DET1: variants seen among roughly 807,000 people sequenced by gnomAD.
The protein encoded by DET1 is DET1 homolog.
A neutral mutation model predicts 43.7 loss-of-function variants in DET1; 22 were observed. The ratio of observed to expected loss-of-function variants is 0.50; its 90% confidence interval spans 0.36 to 0.72. The LOEUF is 0.72. DET1 is among the 30% of genes least tolerant of loss of function. The pLI, the probability that DET1 is intolerant of heterozygous loss-of-function variation, is 0.00. For synonymous variants in DET1, 315 were observed against 266.2 expected (o/e 1.18, Z -1.79); for missense variants, 713 against 713.3 (o/e 1.00, Z 0.00).
At chr15:88,538,718 C>T (rs182487340) in intron 1 of DET1, among the ~76,000 whole-genome samples, 8 of 152,284 alleles carry the variant, frequency 5.3e-5, no homozygotes, top group Middle Eastern at 3.4e-3. Context: ...GAAGGACGGC[C>T]GGCTCAGAGG....
chr15:88,517,146 C>T (rs2056365909), intron 3 of DET1, among the ~76,000 whole-genome samples, 173 bp from the exon 4 acceptor site: 1 of 150,268 alleles, frequency 6.7e-6, no homozygotes, highest in Admixed American at 6.6e-5. Flanking sequence ...TGGCCAGCTA[C>T]AAATACTTTT....
rs545172468 is a variant in DET1, at chr15:88,515,520, C to T, written c.1463+1262G>A. On this transcript the variant is annotated intron_variant, in intron 4 of 4. Coordinates refer to ENST00000268148, the MANE Select transcript of DET1 (RefSeq NM_001144074.3). ...TGCCATTGCACTCGAGCCTGGGCAA[C>T]AGACAGAGACTCCGTCTTATAAAAA... 4.1e-3 allele frequency among the ~76,000 whole-genome samples: 413 copies of T among 100,652 alleles called. 6 individuals carry two copies. Among genetic ancestry groups the T allele is most frequent in the African/African-American group, 0.015 (385 of 25,656 alleles). 66.0% of individuals were successfully genotyped at this position (100,652 alleles called of 152,430 possible). A position where few individuals can be genotyped will look rare whatever the true frequency, so the allele number is the denominator to read the frequency against.
chr15:88,526,547 T>C (rs1253128975), intron 3 of DET1, among the ~76,000 whole-genome samples: 1 of 152,028 alleles, frequency 6.6e-6, no homozygotes, highest in Non-Finnish European at 1.5e-5. Context: ...TGTCAATATA[T>C]GTAAATCTCC....
intron 1 of DET1, among the ~76,000 whole-genome samples, chr15:88,533,355 G>C (rs758024687): frequency 6.6e-6 from 1 of 152,170 alleles, no homozygotes; most frequent in Non-Finnish European, 1.5e-5. Context: ...AAATAGTACA[G>C]CTACTAAGGA....
Position 88,533,272 on chromosome 15 carries a change from A to G in DET1, c.-10-1557T>C, listed in dbSNP as rs562080051. 3.7e-4 allele frequency among the ~76,000 whole-genome samples: 56 copies of G among 152,190 alleles called. 2 individuals are homozygous for G. The highest frequency in any genetic ancestry group is 7.1e-4 in the Non-Finnish European group (48 of 68,036). On this transcript the variant is annotated intron_variant, in intron 1 of 4. Coordinates refer to ENST00000268148, the MANE Select transcript of DET1 (RefSeq NM_001144074.3). ...CCCATTAGAACGACTGCTTTTTTTA[A>G]AAAAAGAAAATGACAAGTTTCATTG...
chr15:88,521,774 G>A (rs1388834557), intron 3 of DET1, among the ~76,000 whole-genome samples: 2 of 151,918 alleles, frequency 1.3e-5, no homozygotes, highest in Non-Finnish European at 2.9e-5. Context: ...ATGACTTATT[G>A]TTTTTACATG....
downstream of DET1, among the ~76,000 whole-genome samples, chr15:88,510,108 G>A (rs1440904817): frequency 6.6e-6 from 1 of 152,190 alleles, no homozygotes; most frequent in Non-Finnish European, 1.5e-5. Context: ...GGCTTCAGTG[G>A]GGTCTAAGAT....
chr15:88,524,510 G>T (rs925304758), intron 3 of DET1, among the ~76,000 whole-genome samples: 1 of 152,232 alleles, frequency 6.6e-6, no homozygotes, highest in Admixed American at 6.5e-5. Context: ...CGGTTTTGTC[G>T]AATAGAAAAG....
At position 88,531,491 on chromosome 15, in the gene DET1, A is replaced by T. The variant is rs774343398; in HGVS notation, c.215T>A (p.Phe72Tyr). 4 of 1,613,996 alleles carry T rather than the reference A, an allele frequency of 2.5e-6. No individual in the cohort carries two copies. Among genetic ancestry groups the T allele is most frequent in the Non-Finnish European group, 3.4e-6 (4 of 1,179,900 alleles). Residue 72 changes from phenylalanine to tyrosine, a missense_variant, in exon 2 of 5, where the codon TTT (phenylalanine) becomes TAT (tyrosine). By Grantham distance (22) the Phe-to-Tyr change is conservative. Coordinates refer to ENST00000268148, the MANE Select transcript of DET1 (RefSeq NM_001144074.3). The surrounding 1 kb of genome is among the most constrained non-coding windows in gnomAD (Gnocchi z 6.2). ...TGTCTGGTCTGAAGAAAAAGCAATA[A>T]AGTAGCGTCCATCAGGTGAGAATTT... ...LRKFSPDGRY[F>Y]IAFSSDQTSL...
rs1320565640 is a variant in DET1, at chr15:88,531,748, G to A, written c.-10-33C>T. 3 of 1,560,742 alleles carry A rather than the reference G, an allele frequency of 1.9e-6. No individual in the cohort carries two copies. Among genetic ancestry groups the A allele is most frequent in the Non-Finnish European group, 2.6e-6 (3 of 1,153,148 alleles). On this transcript the variant is annotated intron_variant, in intron 1 of 4. Coordinates refer to ENST00000268148, the MANE Select transcript of DET1 (RefSeq NM_001144074.3). The surrounding 1 kb of genome is among the most constrained non-coding windows in gnomAD (Gnocchi z 6.2). ...GAAAAGTAAAGCAGAAGTCAAGAAA[G>A]TGAAACAGAATTTACCAAAATATAA... is the stretch of plus-strand genomic sequence containing the variant.
At position 88,531,393 on chromosome 15, in the gene DET1, G is replaced by C. The variant is rs2142309953; in HGVS notation, c.313C>G (p.Leu105Val). 2 of 1,614,044 alleles carry C rather than the reference G, an allele frequency of 1.2e-6. No individual in the cohort carries two copies. Among genetic ancestry groups the C allele is most frequent in the East Asian group, 2.2e-5 (1 of 44,892 alleles). The stretch of plus-strand genomic sequence containing the variant: ...GACCGCTGGTCATTGCCATTGGACA[G>C]GATTTCTCCTTCGTATCCCTGCAGT... ...DLLQGYEGEI[L>V]SNGNDQRSVN... Residue 105 changes from leucine to valine, a missense_variant, in exon 2 of 5, where the codon CTG (leucine) becomes GTG (valine). Transcript: ENST00000268148. This position sits in a 1 kb window ranked among gnomAD's most constrained non-coding sequence, Gnocchi z 6.2.
At position 88,516,653 on chromosome 15, in the gene DET1, C is replaced by G. The variant is rs1338412654; in HGVS notation, c.1463+129G>C. ...AGCTCTCACTGCATTATAGAAATAG[C>G]CTGCCTTTTCAACCTTACCCATGAG... is the stretch of plus-strand genomic sequence containing the variant. On this transcript the variant is annotated intron_variant, in intron 4 of 4. Transcript: ENST00000268148. The surrounding 1 kb of genome is among the most constrained non-coding windows in gnomAD (Gnocchi z 4.4). 1 of 745,016 alleles carries G rather than the reference C, an allele frequency of 1.3e-6. No homozygotes were observed. The highest frequency in any genetic ancestry group is 1.8e-5 in the African/African-American group (1 of 54,186). 46.2% of individuals were successfully genotyped at this position (745,016 alleles called of 1,614,324 possible).
At chr15:88,545,172 A>G (rs1357168253) in intron 1 of DET1, among the ~76,000 whole-genome samples, 1 of 146,578 alleles carries the variant, frequency 6.8e-6, no homozygotes, top group Non-Finnish European at 1.5e-5. Flanking sequence ...ATTATGTACT[A>G]AAAAAAAAAT....
rs148455500 is a variant in DET1, at chr15:88,512,827, C to T, written c.*124G>A. On this transcript the variant is annotated 3_prime_UTR_variant, in exon 5 of 5. Transcript: ENST00000268148. ...CTCACTCCTCTCTCTGGCTCTCTCC[C>T]ATCTGAGGTATAGCAGGCTGGAACT... 5.5e-6 allele frequency: 8 copies of T among 1,462,414 alleles called. No individual in the cohort carries two copies. In the East Asian group the frequency reaches 1.4e-4, roughly 26 times the overall value. 90.6% of individuals were successfully genotyped at this position (1,462,414 alleles called of 1,614,324 possible). A position where few individuals can be genotyped will look rare whatever the true frequency, so the allele number is the denominator to read the frequency against.
chr15:88,532,116 A>G (rs922536476), intron 1 of DET1, among the ~76,000 whole-genome samples: 3 of 152,198 alleles, frequency 2.0e-5, no homozygotes, highest in African/African-American at 7.2e-5. Context: ...AGCCTGGAAA[A>G]CATGGCAAAA....
Position 88,531,699 on chromosome 15 carries a change from G to A in DET1, c.7C>T (p.His3Tyr), listed in dbSNP as rs2056820331. ...CGAGGCTTGATGGTAGAAACATGAT[G>A]ATCCATTATCACATCTCTAAACAGA... MDHHVSTIKPRRI... is the reference protein window; with the variant it reads MDYHVSTIKPRRI... Residue 3 changes from histidine to tyrosine, a missense_variant, in exon 2 of 5, where the codon CAT (histidine) becomes TAT (tyrosine). By Grantham distance (83) the His-to-Tyr change is moderately conservative (BLOSUM62 2). Coordinates refer to ENST00000268148, the MANE Select transcript of DET1 (RefSeq NM_001144074.3). The surrounding 1 kb of genome is among the most constrained non-coding windows in gnomAD (Gnocchi z 6.2). The A allele has an allele frequency of 6.2e-7, 1 of 1,606,216 alleles. No individual in the cohort carries two copies. The highest frequency in any genetic ancestry group is 8.5e-7 in the Non-Finnish European group (1 of 1,173,620).
At chr15:88,539,901 T>A (rs891390469) in intron 1 of DET1, among the ~76,000 whole-genome samples, 2 of 152,212 alleles carry the variant, frequency 1.3e-5, no homozygotes, top group Admixed American at 6.5e-5. Context: ...CTTGCTCACC[T>A]TTTTTGTCAT....
At chr15:88,519,131 T>A (rs909657846) in intron 3 of DET1, among the ~76,000 whole-genome samples, 1 of 152,156 alleles carries the variant, frequency 6.6e-6, no homozygotes, top group South Asian at 2.1e-4. Context: ...GCTCACAGCT[T>A]TGTGATGACC....
intron 1 of DET1, among the ~76,000 whole-genome samples, chr15:88,538,540 T>C (rs6496496): frequency 0.71 from 107,615 of 151,714 alleles, 38,717 homozygotes; most frequent in African/African-American, 0.83. Context: ...TCCTCAGGGC[T>C]GAGAGAATTT....
Sources: gnomAD v4.1 joint callset for allele counts (sites outside exome capture counted in the v4.1 genomes callset) on GRCh38, gnomAD v4.1.1 for gene constraint, Gnocchi (gnomAD v3.1) non-coding constraint, MANE v1.5 for transcripts, NCBI Gene and HGNC (gene_info 2026-07-23, HGNC 2026-07-21) for gene names.